NUGGC: variants seen among roughly 807,000 people sequenced by gnomAD.
The protein encoded by NUGGC is nuclear GTPase, germinal center associated.
A neutral mutation model predicts 92.6 loss-of-function variants in NUGGC; 58 were observed. The observed-to-expected ratio is 0.63, with a 90% CI of 0.51 to 0.78. The LOEUF (loss-of-function observed/expected upper bound fraction) is 0.78. Ranked by LOEUF, NUGGC falls within the 30% of genes least tolerant of loss-of-function variation. The pLI is 0.00. For synonymous variants in NUGGC, 376 were observed against 366.4 expected (o/e 1.03, Z -0.30); for missense variants, 925 against 964.6 (o/e 0.96, Z 0.54).
chr8:28,038,254 T>C (rs917349749), intron 13 of NUGGC, among the ~76,000 whole-genome samples: 1 of 152,192 alleles, frequency 6.6e-6, no homozygotes, highest in African/African-American at 2.4e-5. Flanking sequence ...TCTGACTGTC[T>C]TGTGGTCCTC....
At chr8:28,035,895 T>C (rs73570967) in intron 13 of NUGGC, among the ~76,000 whole-genome samples, 6,363 of 152,288 alleles carry the variant, frequency 0.042, 464 homozygotes, top group African/African-American at 0.14. Context: ...TATTTTTCTT[T>C]TTTAAGAGAC....
intron 1 of NUGGC, among the ~76,000 whole-genome samples, chr8:28,078,894 A>C (rs977665632): frequency 6.6e-6 from 1 of 152,238 alleles, no homozygotes; most frequent in African/African-American, 2.4e-5. Flanking sequence ...ATAACAGTCC[A>C]AATTTATTGC....
In NUGGC at chr8:28,023,459, A is replaced by T. The variant is rs1563210939; in HGVS notation, c.2249T>A (p.Val750Asp). ...CTCCATCTCCTTGTATTCACTCCCG[A>T]CATCTACAGGAGAGCAGAAAGCTCA... The part of the protein sequence containing the change: ...GDGLYKELAD[V>D]GSEYKEMEKL... The change falls in exon 19 of 19, where the codon GTC (valine) becomes GAC (aspartate). Residue 750 changes from valine to aspartate, a missense_variant. Transcript: ENST00000413272. 6.2e-7 allele frequency: 1 copy of T among 1,613,238 alleles called. No homozygotes were observed. Among genetic ancestry groups the T allele is most frequent in the Non-Finnish European group, 8.5e-7 (1 of 1,179,636 alleles).
At chr8:28,039,234 AT>A (rs201712679) in intron 13 of NUGGC, among the ~76,000 whole-genome samples, 1,727 of 142,366 alleles carry the variant, frequency 0.012, 16 homozygotes, top group African/African-American at 0.032. Context: ...ACTTATCTAG[AT>A]TTTTTTTTTT....
chr8:28,069,458 C>A, intron 4 of NUGGC, 86 bp downstream of exon 4: 1 of 691,528 alleles, frequency 1.4e-6, no homozygotes, highest in Non-Finnish European at 2.6e-6. Context: ...ATTAAATAGT[C>A]CCTTTCCTTG....
In NUGGC at chr8:28,022,157, C is replaced by CTTTT. The variant is rs35977212; in HGVS notation, c.*1156_*1159dup. On this transcript the variant is annotated 3_prime_UTR_variant, in exon 19 of 19. Coordinates refer to ENST00000413272, the MANE Select transcript of NUGGC (RefSeq NM_001010906.2). ...TATATATATATATTTTTTTCTTTTT[C>CTTTT]TTTTTTTTTTTTTTTTTTTGAGACA... is the stretch of plus-strand genomic sequence containing the variant. 1.0e-4 allele frequency: 10 copies of CTTTT among 95,938 alleles called. No individual in the cohort carries two copies. Among genetic ancestry groups the CTTTT allele is most frequent in the East Asian group, 2.6e-4 (1 of 3,836 alleles). 5.9% of individuals were successfully genotyped at this position (95,938 alleles called of 1,614,324 possible).
intron 10 of NUGGC, among the ~76,000 whole-genome samples, chr8:28,050,144 G>T (rs921303021): frequency 1.3e-5 from 2 of 152,050 alleles, no homozygotes; most frequent in African/African-American, 4.8e-5. Flanking sequence ...CCAGCACTTC[G>T]GGAGGCCGAG....
Position 28,036,317 on chromosome 8 carries a change from C to T in NUGGC, c.1612-2620G>A, listed in dbSNP as rs191785395. ...TCAGGCTTTTCCTTCTCTGCCCCTC[C>T]CCTGCCCCTCTTTATTCTTTTGCTT... On this transcript the variant is annotated intron_variant, in intron 13 of 18. Transcript: ENST00000413272. 2.0e-4 allele frequency among the ~76,000 whole-genome samples: 30 copies of T among 152,254 alleles called. 2 individuals carry two copies. The East Asian group carries it at 3.9e-3, about 20-fold the overall frequency.
intron 10 of NUGGC, 74 bp from the exon 11 acceptor site, chr8:28,047,686 A>G (rs1453611369): frequency 5.8e-6 from 5 of 869,042 alleles, no homozygotes; most frequent in East Asian, 2.7e-5. Context: ...AGGACCCACA[A>G]GAGCCTTCAG....
intron 7 of NUGGC, among the ~76,000 whole-genome samples, chr8:28,061,750 C>CA (rs964497758): frequency 1.3e-5 from 2 of 152,068 alleles, no homozygotes; most frequent in African/African-American, 2.4e-5. Context: ...CTGTATTTGG[C>CA]AAAAAATGTC....
In NUGGC at chr8:28,038,118, G is replaced by A. The variant is rs188784754; in HGVS notation, c.1611+2933C>T. ...CTCTTCCCTTGGCTCTCGGGCACGT[G>A]GGCCAATACACTTCCTCATGGCTAA... is the stretch of plus-strand genomic sequence containing the variant. On this transcript the variant is annotated intron_variant, in intron 13 of 18. Coordinates refer to ENST00000413272, the MANE Select transcript of NUGGC (RefSeq NM_001010906.2). Among the ~76,000 whole-genome samples the A allele has an allele frequency of 3.3e-3, 502 of 152,216 alleles. 4 individuals carry two copies. Among genetic ancestry groups the A allele is most frequent in the African/African-American group, 0.011 (475 of 41,512 alleles).
chr8:28,030,536 T>C (rs1809391285), intron 15 of NUGGC, 118 bp from the exon 16 acceptor site: 4 of 664,284 alleles, frequency 6.0e-6, no homozygotes, highest in Non-Finnish European at 1.1e-5. Flanking sequence ...GCCCAGTTGT[T>C]TGTCTGTCAT....
Position 28,064,621 on chromosome 8 carries a change from C to T in NUGGC, c.822G>A (p.Val274=). The T allele has an allele frequency of 1.2e-6, 2 of 1,614,018 alleles. No individual in the cohort carries two copies. The highest frequency in any genetic ancestry group is 2.7e-5 in the African/African-American group (2 of 75,042). The change falls in exon 7 of 19, where the codon GTG becomes GTA. Residue 274 remains valine (V), a synonymous_variant. Coordinates refer to ENST00000413272, the MANE Select transcript of NUGGC (RefSeq NM_001010906.2). ...GGATCAGGTCGGATTTGGGAAGTGT[C>T]ACTTCCACATGTTTGATCAAGGGCC... The part of the protein sequence containing the change: ...RIWPLIKHVE[V]TLPKSDLIPE...
intron 6 of NUGGC, among the ~76,000 whole-genome samples, 172 bp downstream of exon 6, chr8:28,067,342 T>C (rs1025759917): frequency 7.2e-5 from 11 of 152,246 alleles, no homozygotes; most frequent in African/African-American, 2.7e-4. Flanking sequence ...AATTTCCATT[T>C]GATAGCCATA....
At chr8:28,055,465 C>T (rs1200286066) in intron 10 of NUGGC, among the ~76,000 whole-genome samples, 2 of 152,128 alleles carry the variant, frequency 1.3e-5, no homozygotes, top group African/African-American at 2.4e-5. Context: ...TCAACAATCA[C>T]GGGAGATAGA....
intron 8 of NUGGC, among the ~76,000 whole-genome samples, chr8:28,059,972 G>C (rs1256722445): frequency 6.6e-6 from 1 of 151,812 alleles, no homozygotes; most frequent in Non-Finnish European, 1.5e-5. Flanking sequence ...AGTGAGCTGA[G>C]ATCGTGCCAT....
chr8:28,023,373 C>G lies in NUGGC; in HGVS notation c.2335G>C (p.Glu779Gln). The G allele has an allele frequency of 6.2e-7, 1 of 1,613,964 alleles. No individual in the cohort carries two copies. Among genetic ancestry groups the G allele is most frequent in the Non-Finnish European group, 8.5e-7 (1 of 1,179,868 alleles). ...ENARLRKGMQ[E>Q]FLLRASPSKA... ...CTGGGGGATGCCCTTAGGAGGAATT[C>G]TTGCATGCCCTTCCTCAGCCGTGCA... Residue 779 changes from glutamate (E) to glutamine (Q), a missense_variant, in exon 19 of 19, where the codon GAA (glutamate) becomes CAA (glutamine). Glu to Gln is a conservative substitution (Grantham distance 29). Transcript: ENST00000413272.
chr8:28,059,450 T>C (rs1049668916), intron 8 of NUGGC, among the ~76,000 whole-genome samples: 2 of 152,192 alleles, frequency 1.3e-5, no homozygotes, highest in African/African-American at 4.8e-5. Flanking sequence ...TTGTAATTTG[T>C]TATAATACAA....
intron 6 of NUGGC, among the ~76,000 whole-genome samples, chr8:28,065,857 A>G (rs1464790139): frequency 1.3e-5 from 2 of 152,232 alleles, no homozygotes; most frequent in Non-Finnish European, 2.9e-5. Context: ...GGAGATAATA[A>G]AAGCTCTTTA....
Sources: gnomAD v4.1 joint callset for allele counts (sites outside exome capture counted in the v4.1 genomes callset) on GRCh38, gnomAD v4.1.1 for gene constraint, MANE v1.5 for transcripts, NCBI Gene and HGNC (gene_info 2026-07-23, HGNC 2026-07-21) for gene names.